The following AOC3 variants were observed in gnomAD, a reference collection of about 807,000 sequenced individuals.
The protein encoded by AOC3 is amine oxidase copper containing 3.
In AOC3, 47 loss-of-function variants were observed where a neutral mutation model predicts 55.4. The ratio of observed to expected loss-of-function variants is 0.85; its 90% CI spans 0.67 to 1.08. The LOEUF (loss-of-function observed/expected upper bound fraction) is 1.08, where lower values mean the gene tolerates loss of function less well. Among genes scored for constraint, AOC3 ranks in the 50% least tolerant of loss-of-function variants. The pLI, the probability that AOC3 is intolerant of heterozygous loss-of-function variation, is 0.00. For synonymous variants in AOC3, 386 were observed against 410.7 expected, an observed-to-expected ratio of 0.94 and a Z score of 0.73; for missense variants, 853 against 993.1, an observed-to-expected ratio of 0.86 and a Z score of 1.90.
chr17:42,854,791 C>T (rs560778299), intron 2 of AOC3, 58 bp downstream of exon 2: 4 of 1,401,404 alleles, frequency 2.9e-6, no homozygotes, highest in Admixed American at 2.8e-5. Context: ...GGAGTGTTGG[C>T]GGACACTCAG....
At position 42,853,184 on chromosome 17, in the gene AOC3, T is replaced by C. The variant is rs2055700269; in HGVS notation, c.1600+241T>C. On this transcript the variant is annotated intron_variant, in intron 1 of 3. Transcript: ENST00000308423. The stretch of plus-strand genomic sequence containing the variant: ...CAAAGATCTTGGGAAATGGCCGAGC[T>C]CAGGGAGGAGGCAGGATTTGGGCTA... The C allele has an allele frequency of 6.6e-6, 9 of 1,363,284 alleles. No homozygotes were observed. The South Asian group carries it at 8.5e-5, about 13-fold the overall frequency. 84.4% of individuals were successfully genotyped at this position (1,363,284 alleles called of 1,614,324 possible).
Position 42,854,828 on chromosome 17 carries a change from C to T in AOC3, c.1886+95C>T, listed in dbSNP as rs549623096. On this transcript the variant is annotated intron_variant, in intron 2 of 3. Transcript: ENST00000308423. ...TCACACTGTAGGTGAGGGGAGAGCTCTCTCAGGAAGGCTTTTCTTTTCCTT... is the reference window on the plus strand; with the variant it reads ...TCACACTGTAGGTGAGGGGAGAGCTTTCTCAGGAAGGCTTTTCTTTTCCTT... The T allele has an allele frequency of 6.4e-6, 7 of 1,091,244 alleles. No homozygotes were observed. In the Admixed American group the frequency reaches 1.1e-4, roughly 18 times the overall value. The allele number at this position is 1,091,244 out of a possible 1,614,324, so 67.6% of individuals were successfully genotyped here.
rs2055695897 is a variant in AOC3 at position 42,852,884 on chromosome 17, A to T, written c.1541A>T (p.His514Leu). ...AAGTACGGGAACCAAGTGTCAGAGC[A>T]CACCCTGGGCACGGTCCACACCCAC... The part of the protein sequence containing the change: ...TGKYGNQVSE[H>L]TLGTVHTHSA... Residue 514 changes from histidine (H) to leucine (L), a missense_variant, in exon 1 of 4, where the codon CAC becomes CTC. Physicochemically the swap from His to Leu is moderately conservative, Grantham distance 99. Coordinates refer to ENST00000308423, the MANE Select transcript of AOC3 (RefSeq NM_003734.4). 5 of 1,612,710 alleles carry T rather than the reference A, an allele frequency of 3.1e-6. No homozygotes were observed. The highest frequency in any genetic ancestry group is 3.3e-5 in the Admixed American group (2 of 59,996).
Position 42,855,554 on chromosome 17 carries a change from A to G in AOC3, c.1997A>G (p.Asn666Ser), listed in dbSNP as rs1342828293. The change falls in exon 3 of 4, where the codon AAT becomes AGT. Residue 666 changes from asparagine to serine, a missense_variant. Coordinates refer to ENST00000308423, the MANE Select transcript of AOC3 (RefSeq NM_003734.4). The part of the protein sequence containing the change: ...PTVDFSDFIN[N>S]ETIAGKDLVA... Reference sequence around the variant, plus strand: ...GTGGATTTCAGTGACTTCATCAACAATGAGACCATTGCTGGAAAGGTCAGC... The same window carrying G: ...GTGGATTTCAGTGACTTCATCAACAGTGAGACCATTGCTGGAAAGGTCAGC... 6.2e-7 allele frequency: 1 copy of G among 1,614,164 alleles called. No individual in the cohort carries two copies. The highest frequency in any genetic ancestry group is 8.5e-7 in the Non-Finnish European group (1 of 1,180,026).
intron 3 of AOC3, among the ~76,000 whole-genome samples, chr17:42,856,010 G>T (rs564893090): frequency 1.3e-4 from 20 of 152,310 alleles, no homozygotes; most frequent in African/African-American, 4.8e-4. Flanking sequence ...AGGGGAAGAG[G>T]AGCTGAAGTA....
In AOC3 at chr17:42,854,706, C is replaced by A; in HGVS notation, c.1859C>A (p.Ser620Tyr). 6.7e-7 allele frequency: 1 copy of A among 1,489,220 alleles called. No homozygotes were observed. Among genetic ancestry groups the A allele is most frequent in the Non-Finnish European group, 9.0e-7 (1 of 1,114,038 alleles). The allele number at this position is 1,489,220 out of a possible 1,614,324, so 92.3% of individuals were successfully genotyped here. ...FAGEPLPQNS[S>Y]MARGFSWERY... is the part of the protein sequence containing the mutation. ...GGAGAGCCGCTGCCCCAAAACAGCT[C>A]CATGGCGAGAGGCTTCAGCTGGGAG... The change falls in exon 2 of 4, where the codon TCC becomes TAC. Residue 620 changes from serine (S) to tyrosine (Y), a missense_variant. Transcript: ENST00000308423.
At position 42,854,755 on chromosome 17, in the gene AOC3, A is replaced by G. The variant is rs1332566929; in HGVS notation, c.1886+22A>G. On this transcript the variant is annotated intron_variant, in intron 2 of 3. Coordinates refer to ENST00000308423, the MANE Select transcript of AOC3 (RefSeq NM_003734.4). ...AGAGGTGAGTGGCGGGCAGTCAGAG[A>G]GGAGGGGGGCAGTGAGAGTGGGAAA... is the stretch of plus-strand genomic sequence containing the variant. The G allele has an allele frequency of 2.1e-6, 3 of 1,455,500 alleles. No homozygotes were observed. In the Admixed American group the frequency reaches 7.4e-5, roughly 36 times the overall value. 90.2% of individuals were successfully genotyped at this position (1,455,500 alleles called of 1,614,324 possible). A position where few individuals can be genotyped will look rare whatever the true frequency, so the allele number is the denominator to read the frequency against.
At chr17:42,854,300 G>A in intron 1 of AOC3, 148 bp from the exon 2 acceptor site, 1 of 614,112 alleles carries the variant, frequency 1.6e-6, no homozygotes, top group Non-Finnish European at 2.4e-6. Context: ...CTAAAGGATT[G>A]GAGGTATCCT....
At chr17:42,854,829 T>G in intron 2 of AOC3, 96 bp downstream of exon 2, 2 of 1,136,724 alleles carry the variant, frequency 1.8e-6, no homozygotes, top group Non-Finnish European at 2.3e-6. Flanking sequence ...GGGAGAGCTC[T>G]CTCAGGAAGG....
rs548203619 is a variant in AOC3 at position 42,855,561 on chromosome 17, C to G, written c.2004C>G (p.Thr668=). 3.7e-6 allele frequency: 6 copies of G among 1,614,140 alleles called. No homozygotes were observed. Among genetic ancestry groups the G allele is most frequent in the Non-Finnish European group, 5.1e-6 (6 of 1,180,030 alleles). Residue 668 remains threonine, a synonymous_variant, in exon 3 of 4, where the codon ACC becomes ACG. Coordinates refer to ENST00000308423, the MANE Select transcript of AOC3 (RefSeq NM_003734.4). ...VDFSDFINNE[T]IAGKDLVAWV... ...TCAGTGACTTCATCAACAATGAGAC[C>G]ATTGCTGGAAAGGTCAGCTGGCCGG...
chr17:42,854,550 T>C lies in AOC3; in HGVS notation c.1703T>C (p.Leu568Pro), dbSNP rs779041651. ...CAGAGGCTGCAGGTGACCCGGAAGCTGCTGGAGATGGAGGAGCAGGCCGCC... is the reference window on the plus strand; with the variant it reads ...CAGAGGCTGCAGGTGACCCGGAAGCCGCTGGAGATGGAGGAGCAGGCCGCC... ...QLQRLQVTRK[L>P]LEMEEQAAFL... Residue 568 changes from leucine (L) to proline (P), a missense_variant, in exon 2 of 4, where the codon CTG (leucine) becomes CCG (proline). Transcript: ENST00000308423. 6.2e-7 allele frequency: 1 copy of C among 1,610,656 alleles called. No individual in the cohort carries two copies. The highest frequency in any genetic ancestry group is 8.5e-7 in the Non-Finnish European group (1 of 1,178,434).
At chr17:42,854,806 C>G (rs2055726614) in intron 2 of AOC3, 73 bp downstream of exon 2, 2 of 1,305,514 alleles carry the variant, frequency 1.5e-6, no homozygotes, top group Non-Finnish European at 2.0e-6. Flanking sequence ...ACTCAGCTCA[C>G]ACTGTAGGTG....
At position 42,851,830 on chromosome 17, in the gene AOC3, CCCCTG is replaced by C. The variant is rs969076468; in HGVS notation, c.492_496del (p.Pro165SerfsTer89). Reference sequence around the variant, plus strand: ...CGTGACTGTGGAGCGTCATGGAGGCCCCCTGCCCTATCACCGACGCCCCGTGCTGT... The same window carrying C: ...CGTGACTGTGGAGCGTCATGGAGGCCCCCTATCACCGACGCCCCGTGCTGT... On this transcript the variant is annotated frameshift_variant, in exon 1 of 4. Coordinates refer to ENST00000308423, the MANE Select transcript of AOC3 (RefSeq NM_003734.4). LOFTEE classifies it high-confidence loss of function. 2 of 1,613,610 alleles carry C rather than the reference CCCCTG, an allele frequency of 1.2e-6. No individual in the cohort carries two copies. Among genetic ancestry groups the C allele is most frequent in the African/African-American group, 2.7e-5 (2 of 75,064 alleles).
chr17:42,851,234 G>C lies in AOC3; in HGVS notation c.-110G>C. The C allele has an allele frequency of 9.1e-7, 1 of 1,097,646 alleles. No individual in the cohort carries two copies. Among genetic ancestry groups the C allele is most frequent in the Non-Finnish European group, 1.2e-6 (1 of 808,352 alleles). The allele number at this position is 1,097,646 out of a possible 1,614,324, so 68.0% of individuals were successfully genotyped here. ...ATCTGACTACCGGGAACCTCAGCCA[G>C]AGTCCGGGAGCCCCCCACCCCGTCC... On this transcript the variant is annotated 5_prime_UTR_variant, in exon 1 of 4. Transcript: ENST00000308423.
At position 42,856,818 on chromosome 17, in the gene AOC3, C is replaced by A; in HGVS notation, c.*268C>A. 1.9e-6 allele frequency: 1 copy of A among 518,688 alleles called. No individual in the cohort carries two copies. Among genetic ancestry groups the A allele is most frequent in the South Asian group, 2.8e-5 (1 of 36,034 alleles). 32.1% of individuals were successfully genotyped at this position (518,688 alleles called of 1,614,324 possible). ...GCATGGCCCAGCCTGGAGCCGTGGC[C>A]GAGGGCTTCCCTAGATGGTTCCCTT... On this transcript the variant is annotated 3_prime_UTR_variant, in exon 4 of 4. Coordinates refer to ENST00000308423, the MANE Select transcript of AOC3 (RefSeq NM_003734.4).
At chr17:42,856,172 A>G in intron 3 of AOC3, 103 bp from the exon 4 acceptor site, 10 of 1,429,366 alleles carry the variant, frequency 7.0e-6, no homozygotes, top group South Asian at 2.7e-5. Flanking sequence ...GCAGGAAAAA[A>G]TGTTTAAAGA....
At chr17:42,853,052 G>A (rs759693123) in intron 1 of AOC3, 109 bp downstream of exon 1, 3 of 1,405,324 alleles carry the variant, frequency 2.1e-6, no homozygotes, top group Non-Finnish European at 1.9e-6. Flanking sequence ...GTGGATTTTT[G>A]TACTTCCCCT....
Position 42,855,565 on chromosome 17 carries a change from G to A in AOC3, c.2008G>A (p.Ala670Thr), listed in dbSNP as rs758650249. The change falls in exon 3 of 4, where the codon GCT becomes ACT. Residue 670 changes from alanine to threonine, a missense_variant. Coordinates refer to ENST00000308423, the MANE Select transcript of AOC3 (RefSeq NM_003734.4). ...FSDFINNETIAGKDLVAWVTA... is the reference protein window; with the variant it reads ...FSDFINNETITGKDLVAWVTA... ...TGACTTCATCAACAATGAGACCATT[G>A]CTGGAAAGGTCAGCTGGCCGGGGTA... The A allele has an allele frequency of 6.2e-7, 1 of 1,614,148 alleles. No homozygotes were observed. The highest frequency in any genetic ancestry group is 2.2e-5 in the East Asian group (1 of 44,886).
In AOC3 at chr17:42,852,896, C is replaced by T. The variant is rs201143286; in HGVS notation, c.1553C>T (p.Thr518Met). The change falls in exon 1 of 4, where the codon ACG (threonine) becomes ATG (methionine). Residue 518 changes from threonine to methionine, a missense_variant. Transcript: ENST00000308423. ...CAAGTGTCAGAGCACACCCTGGGCA[C>T]GGTCCACACCCACAGCGCCCACTTC... ...GNQVSEHTLG[T>M]VHTHSAHFKV... The T allele has an allele frequency of 2.9e-5, 47 of 1,610,780 alleles. No homozygotes were observed. Among genetic ancestry groups the T allele is most frequent in the East Asian group, 4.5e-5 (2 of 44,746 alleles).
Sources: allele counts gnomAD v4.1 joint callset (sites outside exome capture counted in the v4.1 genomes callset), GRCh38; gene constraint gnomAD v4.1.1; transcripts MANE v1.5; gene names NCBI Gene and HGNC (gene_info 2026-07-23, HGNC 2026-07-21).